THSD7B: variants seen among roughly 807,000 people sequenced by gnomAD.
The protein encoded by THSD7B is thrombospondin type-1 domain-containing protein 7B.
THSD7B carries 138 observed loss-of-function variants against 213.6 expected under a neutral mutation model. That is an observed-to-expected ratio of 0.65 (90% CI 0.56 to 0.74). THSD7B has a LOEUF of 0.74. Among genes scored for constraint, THSD7B ranks in the 30% least tolerant of loss-of-function variants. The pLI is 0.00. For missense variants in THSD7B, 1,931 were observed against 1,991.5 expected (o/e 0.97, Z 0.58); for synonymous variants, 742 against 687.0 (o/e 1.08, Z -1.25).
rs749406220 is a variant in THSD7B at position 137,057,130 on chromosome 2, T to A, written c.850T>A (p.Tyr284Asn). ...GCGAGTCACCTTTAAACATCAAAGTTACAAAGCACATCATCATTCGAAGTC... is the reference window on the plus strand; with the variant it reads ...GCGAGTCACCTTTAAACATCAAAGTAACAAAGCACATCATCATTCGAAGTC... ...NERVTFKHQS[Y>N]KAHHHSKSWA... Residue 284 changes from tyrosine to asparagine, a missense_variant, in exon 3 of 28, where the codon TAC (tyrosine) becomes AAC (asparagine). Coordinates refer to ENST00000409968, the MANE Select transcript of THSD7B (RefSeq NM_001316349.2). 6.2e-7 allele frequency: 1 copy of A among 1,613,972 alleles called. No homozygotes were observed. Among genetic ancestry groups the A allele is most frequent in the Admixed American group, 1.7e-5 (1 of 60,026 alleles).
At chr2:136,852,775 T>C (rs183758371) in intron 1 of THSD7B, among the ~76,000 whole-genome samples, 91 of 152,324 alleles carry the variant, frequency 6.0e-4, no homozygotes, top group Middle Eastern at 6.8e-3. Flanking sequence ...ATTTTTGCAG[T>C]GTCACACAAA....
chr2:137,599,366 C>T (rs1261761030), intron 17 of THSD7B, among the ~76,000 whole-genome samples: 7 of 151,982 alleles, frequency 4.6e-5, no homozygotes, highest in Middle Eastern at 3.4e-3. Context: ...ATTTATGCAG[C>T]CAAAAATCAC....
intron 2 of THSD7B, among the ~76,000 whole-genome samples, chr2:137,015,310 C>G (rs909054479): frequency 2.0e-5 from 3 of 152,120 alleles, no homozygotes; most frequent in Admixed American, 2.0e-4. Flanking sequence ...CTGAATTACT[C>G]TGATGGACTG....
At chr2:137,274,586 G>A (rs922416249) in intron 11 of THSD7B, among the ~76,000 whole-genome samples, 3 of 152,008 alleles carry the variant, frequency 2.0e-5, no homozygotes, top group Non-Finnish European at 4.4e-5. Flanking sequence ...GTTTTTGAAA[G>A]TTTAATAAAG....
intron 17 of THSD7B, among the ~76,000 whole-genome samples, chr2:137,614,886 C>T (rs1390594499): frequency 6.6e-6 from 1 of 152,096 alleles, no homozygotes; most frequent in African/African-American, 2.4e-5. Flanking sequence ...ACTCAGTGTA[C>T]AGGTTTTGTT....
At chr2:137,673,671 G>A (rs927781044) in intron 27 of THSD7B, among the ~76,000 whole-genome samples, 8 of 152,320 alleles carry the variant, frequency 5.3e-5, no homozygotes, top group African/African-American at 1.9e-4. Flanking sequence ...TGGCCTTGCT[G>A]AGTGCAGTCT....
intron 15 of THSD7B, among the ~76,000 whole-genome samples, chr2:137,504,344 G>A (rs1044624556): frequency 6.6e-6 from 1 of 152,098 alleles, no homozygotes; most frequent in African/African-American, 2.4e-5. Flanking sequence ...GTGTATTTTT[G>A]AGAAGATGAT....
At chr2:136,859,520 C>T (rs1183783686) in intron 1 of THSD7B, among the ~76,000 whole-genome samples, 1 of 152,118 alleles carries the variant, frequency 6.6e-6, no homozygotes, top group East Asian at 1.9e-4. Context: ...GAACAGGCTA[C>T]TTAGAGAGTA....
chr2:136,773,224 T>A (rs1261210287), intron 1 of THSD7B, among the ~76,000 whole-genome samples: 1 of 152,102 alleles, frequency 6.6e-6, no homozygotes, highest in Non-Finnish European at 1.5e-5. Context: ...ATATACTGTG[T>A]GCCAGACGCT....
chr2:137,389,587 G>A (rs1026673814), intron 12 of THSD7B, among the ~76,000 whole-genome samples: 1 of 150,560 alleles, frequency 6.6e-6, no homozygotes, highest in Non-Finnish European at 1.5e-5. Context: ...AGTCCCATTT[G>A]TTTATTTTCA....
chr2:137,234,299 T>G (rs1035820374), intron 9 of THSD7B, among the ~76,000 whole-genome samples: 11 of 152,170 alleles, frequency 7.2e-5, no homozygotes, highest in African/African-American at 2.7e-4. Context: ...GTTTCTCTCA[T>G]GGGCAATGGA....
At chr2:137,612,658 A>G (rs1682310104) in intron 17 of THSD7B, among the ~76,000 whole-genome samples, 1 of 152,136 alleles carries the variant, frequency 6.6e-6, no homozygotes, top group South Asian at 2.1e-4. Context: ...CTATTAGGTC[A>G]ATGTTTTCTC....
chr2:137,339,011 A>G (rs1188771371), intron 12 of THSD7B, among the ~76,000 whole-genome samples: 31 of 152,086 alleles, frequency 2.0e-4, no homozygotes, highest in Admixed American at 2.0e-3. Context: ...CATGATCACC[A>G]CTCTCAAGAA....
chr2:137,570,769 T>C (rs377368335), intron 16 of THSD7B, among the ~76,000 whole-genome samples: 1 of 152,146 alleles, frequency 6.6e-6, no homozygotes, highest in Non-Finnish European at 1.5e-5. Flanking sequence ...AAAATACTTA[T>C]AGTGCTAGGG....
rs534972583 is a variant in THSD7B, at chr2:136,953,865, A to G, written c.139+71548A>G. Among the ~76,000 whole-genome samples the G allele has an allele frequency of 7.2e-4, 109 of 152,208 alleles. 1 individual carries two copies. Among genetic ancestry groups the G allele is most frequent in the Non-Finnish European group, 1.1e-3 (75 of 68,030 alleles). ...CCTGTCGAGGTACTTAAGAGTCATT[A>G]AAATCACCCACATTTCTAGGGTTCA... On this transcript the variant is annotated intron_variant, in intron 2 of 27. Transcript: ENST00000409968.
intron 12 of THSD7B, among the ~76,000 whole-genome samples, chr2:137,350,942 A>G (rs1322967303): frequency 1.3e-5 from 2 of 151,900 alleles, no homozygotes; most frequent in Non-Finnish European, 2.9e-5. Context: ...GGACACTGGA[A>G]AGATCATCAG....
chr2:137,237,329 A>C (rs1681787968), intron 9 of THSD7B, among the ~76,000 whole-genome samples: 1 of 152,334 alleles, frequency 6.6e-6, no homozygotes, highest in South Asian at 2.1e-4. Context: ...ACTAGCTAAA[A>C]AGTGAATCCA....
At chr2:136,890,987 T>G (rs2082118) in intron 2 of THSD7B, among the ~76,000 whole-genome samples, 59,451 of 151,656 alleles carry the variant, frequency 0.39, 13,087 homozygotes, top group East Asian at 0.97. Flanking sequence ...TTTGTTTGTA[T>G]ATTTATTTTA....
chr2:137,572,552 C>T lies in THSD7B; in HGVS notation c.3419C>T (p.Pro1140Leu). The T allele has an allele frequency of 6.2e-7, 1 of 1,613,632 alleles. No homozygotes were observed. The highest frequency in any genetic ancestry group is 8.5e-7 in the Non-Finnish European group (1 of 1,179,706). Reference protein sequence around the residue: ...MSEWGLWSKCPQSCDPHTMQR... With the variant: ...MSEWGLWSKCLQSCDPHTMQR... ...GAGTGGGGACTTTGGAGCAAATGCC[C>T]ACAGGTAATTTCTCTTTCTTTGTCA... The change falls in exon 17 of 28, where the codon CCA (proline) becomes CTA (leucine). Residue 1140 changes from proline to leucine, a missense_variant. Physicochemically the swap from Pro to Leu is moderately conservative, Grantham distance 98. Coordinates refer to ENST00000409968, the MANE Select transcript of THSD7B (RefSeq NM_001316349.2).
Sources: allele counts gnomAD v4.1 joint callset (sites outside exome capture counted in the v4.1 genomes callset), GRCh38; gene constraint gnomAD v4.1.1; transcripts MANE v1.5; gene names NCBI Gene and HGNC (gene_info 2026-07-23, HGNC 2026-07-21).